Variants in RLN1 observed in about 807,000 individuals in gnomAD.
RLN1 encodes prorelaxin H1.
Under a neutral mutation model 7.2 loss-of-function variants are expected in RLN1, and 4 were observed. The observed-to-expected ratio is 0.56, with a 90% CI of 0.28 to 1.28. The LOEUF is 1.28. RLN1 is among the 50% of genes most tolerant of loss of function. The pLI is 0.11. For missense variants in RLN1, 293 were observed against 221.1 expected, an observed-to-expected ratio of 1.32 and a Z score of -2.06; for synonymous variants, 105 against 86.0, an observed-to-expected ratio of 1.22 and a Z score of -1.22.
upstream of RLN1, among the ~76,000 whole-genome samples, chr9:5,340,198 A>C (rs532281368): frequency 5.3e-5 from 8 of 152,310 alleles, no homozygotes; most frequent in African/African-American, 1.9e-4. Context: ...TTCTAACCTA[A>C]ATAGGATTAT....
chr9:5,340,569 G>A (rs1273456903), upstream of RLN1, among the ~76,000 whole-genome samples: 1 of 151,952 alleles, frequency 6.6e-6, no homozygotes, highest in Non-Finnish European at 1.5e-5. Flanking sequence ...AAAGAAGAAG[G>A]GGAAAAAAAG....
At chr9:5,336,894 G>A (rs1348926922) in intron 1 of RLN1, among the ~76,000 whole-genome samples, 2 of 151,950 alleles carry the variant, frequency 1.3e-5, no homozygotes, top group Middle Eastern at 3.2e-3. Flanking sequence ...CGGTAGTTCT[G>A]GGGCTGATCA....
At chr9:5,340,339 G>C (rs1156419641), upstream of RLN1, among the ~76,000 whole-genome samples, 2 of 152,168 alleles carry the variant, frequency 1.3e-5, no homozygotes, top group South Asian at 2.1e-4. Flanking sequence ...CAGGTAAAAA[G>C]ATTAAAATCC....
intron 1 of RLN1, among the ~76,000 whole-genome samples, chr9:5,337,700 A>C (rs1586682290): frequency 6.6e-6 from 1 of 152,044 alleles, no homozygotes. Context: ...GTAAACATTT[A>C]TCTTAATCCC....
At chr9:5,339,903 T>C, upstream of RLN1, 2 of 726,106 alleles carry the variant, frequency 2.8e-6, no homozygotes, top group Admixed American at 2.9e-5. Flanking sequence ...CACTCAGCTT[T>C]TAAGGCAAGG....
Position 5,339,629 on chromosome 9 carries a change from C to G in RLN1, c.118G>C (p.Val40Leu), listed in dbSNP as rs1220102606. ...DVIKLCGREL[V>L]RAQIAICGMS... Reference sequence around the variant, plus strand: ...CCGCAAATGGCAATCTGCGCGCGAACTAATTCGCGGCCGCATAATTTAATA... The same window carrying G: ...CCGCAAATGGCAATCTGCGCGCGAAGTAATTCGCGGCCGCATAATTTAATA... Residue 40 changes from valine to leucine, a missense_variant, in exon 1 of 2, where the codon GTT (valine) becomes CTT (leucine). Transcript: ENST00000223862. The G allele has an allele frequency of 1.9e-6, 3 of 1,612,476 alleles. No homozygotes were observed. Among genetic ancestry groups the G allele is most frequent in the Non-Finnish European group, 2.5e-6 (3 of 1,180,004 alleles).
In RLN1 at chr9:5,337,550, C is replaced by G. The variant is rs569361720; in HGVS notation, c.212-1953G>C. 2.0e-5 allele frequency among the ~76,000 whole-genome samples: 3 copies of G among 152,028 alleles called. No individual in the cohort carries two copies. In the East Asian group the frequency reaches 5.8e-4, roughly 29 times the overall value. ...GGATGCAGTGAATATTACTTTGGCACACATTGTAAGATAAAATGGTTATCT... is the reference window on the plus strand; with the variant it reads ...GGATGCAGTGAATATTACTTTGGCAGACATTGTAAGATAAAATGGTTATCT... On this transcript the variant is annotated intron_variant, in intron 1 of 1. Coordinates refer to ENST00000223862, the MANE Select transcript of RLN1 (RefSeq NM_006911.4).
At chr9:5,340,303 A>G (rs755403135), upstream of RLN1, among the ~76,000 whole-genome samples, 1 of 152,224 alleles carries the variant, frequency 6.6e-6, no homozygotes, top group Non-Finnish European at 1.5e-5. Context: ...GATGAGAGGG[A>G]AAACTGATGA....
chr9:5,340,602 G>A (rs572803496), upstream of RLN1, among the ~76,000 whole-genome samples: 1 of 152,254 alleles, frequency 6.6e-6, no homozygotes, highest in South Asian at 2.1e-4. Flanking sequence ...CACATTCCCA[G>A]AAATAATATT....
intron 1 of RLN1, 48 bp downstream of exon 1, chr9:5,339,488 T>C: frequency 7.3e-7 from 1 of 1,366,922 alleles, no homozygotes; most frequent in East Asian, 2.6e-5. Flanking sequence ...CGCCCCAGAG[T>C]AACCAATGGG....
At chr9:5,336,049 T>A (rs1209280133) in intron 1 of RLN1, among the ~76,000 whole-genome samples, 1 of 152,046 alleles carries the variant, frequency 6.6e-6, no homozygotes, top group African/African-American at 2.4e-5. Flanking sequence ...AAAGATATTA[T>A]TTTAAGCTAC....
intron 1 of RLN1, 32 bp downstream of exon 1, chr9:5,339,504 C>T (rs779164635): frequency 4.1e-6 from 6 of 1,467,084 alleles, no homozygotes; most frequent in South Asian, 1.2e-5. Context: ...ATGGGAAGCG[C>T]GGGAAGGCCG....
rs2146075 is a variant in RLN1, at chr9:5,335,696, T to C, written c.212-99A>G. On this transcript the variant is annotated intron_variant, in intron 1 of 1. Coordinates refer to ENST00000223862, the MANE Select transcript of RLN1 (RefSeq NM_006911.4). Reference sequence around the variant, plus strand: ...TTGCATACACAAAGAAAAGAAAGCATTGCCTCAATATAAATTAAACATTGA... The same window carrying C: ...TTGCATACACAAAGAAAAGAAAGCACTGCCTCAATATAAATTAAACATTGA... 2.2e-3 allele frequency: 1,581 copies of C among 708,286 alleles called. 36 individuals carry two copies. In the African/African-American group the frequency reaches 0.027, roughly 12 times the overall value. The allele number at this position is 708,286 out of a possible 1,614,324, so 43.9% of individuals were successfully genotyped here.
At position 5,335,169 on chromosome 9, in the gene RLN1, G is replaced by A. The variant is rs1586987330; in HGVS notation, c.*82C>T. 6 of 736,008 alleles carry A rather than the reference G, an allele frequency of 8.2e-6. No homozygotes were observed. Among genetic ancestry groups the A allele is most frequent in the African/African-American group, 1.8e-5 (1 of 56,188 alleles). 45.6% of individuals were successfully genotyped at this position (736,008 alleles called of 1,614,324 possible). A position where few individuals can be genotyped will look rare whatever the true frequency, so the allele number is the denominator to read the frequency against. ...AAGATTTCTTATATTCTAATAATTA[G>A]TGGGACCTGACAGAAGCATCAGTGA... On this transcript the variant is annotated 3_prime_UTR_variant, in exon 2 of 2. Coordinates refer to ENST00000223862, the MANE Select transcript of RLN1 (RefSeq NM_006911.4).
At chr9:5,336,927 G>A (rs1472883159) in intron 1 of RLN1, among the ~76,000 whole-genome samples, 1 of 151,912 alleles carries the variant, frequency 6.6e-6, no homozygotes, top group African/African-American at 2.4e-5. Context: ...TGTGGCAAAA[G>A]AATCAGTTGT....
intron 1 of RLN1, among the ~76,000 whole-genome samples, chr9:5,336,244 G>C (rs375430777): frequency 2.0e-5 from 3 of 151,972 alleles, no homozygotes; most frequent in Non-Finnish European, 4.4e-5. Context: ...GAGAGAAGTG[G>C]GTTAAAAGAT....
At chr9:5,337,014 CAA>C (rs1318690415) in intron 1 of RLN1, among the ~76,000 whole-genome samples, 1 of 151,938 alleles carries the variant, frequency 6.6e-6, no homozygotes, top group African/African-American at 2.4e-5. Flanking sequence ...CAAAACAAAA[CAA>C]AAAACCTGTA....
At chr9:5,340,329 C>T (rs1816966476), upstream of RLN1, among the ~76,000 whole-genome samples, 4 of 152,006 alleles carry the variant, frequency 2.6e-5, no homozygotes, top group South Asian at 8.3e-4. Flanking sequence ...AATCTGAATC[C>T]AGGTAAAAAG....
In RLN1 at chr9:5,335,091, A is replaced by G; in HGVS notation, c.*160T>C. The G allele has an allele frequency of 1.9e-6, 1 of 513,222 alleles. No homozygotes were observed. The highest frequency in any genetic ancestry group is 3.4e-6 in the Non-Finnish European group (1 of 296,386). 31.8% of individuals were successfully genotyped at this position (513,222 alleles called of 1,614,324 possible). ...GAAAGTGTCATTTACAGAAACTACA[A>G]TCATACAAAGAATATTTTCTTACAC... On this transcript the variant is annotated 3_prime_UTR_variant, in exon 2 of 2. Coordinates refer to ENST00000223862, the MANE Select transcript of RLN1 (RefSeq NM_006911.4).
Sources: allele counts gnomAD v4.1 joint callset (sites outside exome capture counted in the v4.1 genomes callset), GRCh38; gene constraint gnomAD v4.1.1; transcripts MANE v1.5; gene names NCBI Gene and HGNC (gene_info 2026-07-23, HGNC 2026-07-21).